The following MBOAT2 variants were observed in gnomAD, a reference collection of about 807,000 sequenced individuals.
MBOAT2 encodes the protein membrane-bound glycerophospholipid O-acyltransferase 2.
MBOAT2 carries 28 observed loss-of-function variants against 63.4 expected under a neutral mutation model. The observed-to-expected ratio is 0.44, with a 90% CI of 0.33 to 0.61. The LOEUF (loss-of-function observed/expected upper bound fraction) is 0.61. MBOAT2 is among the 20% of genes least tolerant of loss of function. The pLI, the probability that MBOAT2 is intolerant of heterozygous loss-of-function variation, is 0.03. For synonymous variants in MBOAT2, 211 were observed against 215.6 expected (o/e 0.98, Z 0.19); for missense variants, 470 against 605.8 (o/e 0.78, Z 2.35).
chr2:8,972,470 T>C (rs1005083840), intron 1 of MBOAT2, among the ~76,000 whole-genome samples: 10 of 152,314 alleles, frequency 6.6e-5, no homozygotes, highest in African/African-American at 1.7e-4. Flanking sequence ...AAGGACTTCA[T>C]GTCTAAAACA....
At position 8,962,292 on chromosome 2, in the gene MBOAT2, T is replaced by A. The variant is rs142724090; in HGVS notation, c.76-3650A>T. Among the ~76,000 whole-genome samples the A allele has an allele frequency of 5.7e-4, 87 of 152,314 alleles. No homozygotes were observed. In the East Asian group the frequency reaches 0.016, roughly 28 times the overall value. ...TGAATTCCTGACCACTGCATTATAC[T>A]GCCTACCACATTTAAAAACAAACCC... On this transcript the variant is annotated intron_variant, in intron 1 of 12. Coordinates refer to ENST00000305997, the MANE Select transcript of MBOAT2 (RefSeq NM_138799.4).
At chr2:8,962,007 C>T (rs1669637199) in intron 1 of MBOAT2, among the ~76,000 whole-genome samples, 1 of 152,206 alleles carries the variant, frequency 6.6e-6, no homozygotes, top group African/African-American at 2.4e-5. Flanking sequence ...CAGTCCGCAG[C>T]TCTCCCTTCT....
intron 3 of MBOAT2, among the ~76,000 whole-genome samples, chr2:8,914,055 A>T (rs1182071531): frequency 6.6e-6 from 1 of 152,254 alleles, no homozygotes; most frequent in African/African-American, 2.4e-5. Context: ...TATTATTCTA[A>T]GTGAAGTAAC....
chr2:8,951,017 G>T (rs1668789488), intron 2 of MBOAT2, among the ~76,000 whole-genome samples: 1 of 152,114 alleles, frequency 6.6e-6, no homozygotes, highest in Non-Finnish European at 1.5e-5. Context: ...TTTTTGATGT[G>T]CTGTTGAGTT....
chr2:8,998,421 T>C (rs956558908), intron 1 of MBOAT2, among the ~76,000 whole-genome samples: 11 of 152,210 alleles, frequency 7.2e-5, no homozygotes, highest in African/African-American at 2.7e-4. Flanking sequence ...GCCATTCACC[T>C]TCTCTTCCTA....
intron 1 of MBOAT2, among the ~76,000 whole-genome samples, chr2:8,986,814 A>G (rs551634524): frequency 1.5e-4 from 23 of 152,254 alleles, no homozygotes; most frequent in Non-Finnish European, 2.9e-4. Context: ...CTCTTTCGCC[A>G]AGAACGCATC....
At chr2:8,974,469 G>A in intron 1 of MBOAT2, 1 of 455,986 alleles carries the variant, frequency 2.2e-6, no homozygotes, top group Non-Finnish European at 4.4e-6. Context: ...AGAACAGAAA[G>A]ATTAAAGAAC....
chr2:8,905,596 A>G lies in MBOAT2; in HGVS notation c.395+3025T>C, dbSNP rs533976353. On this transcript the variant is annotated intron_variant, in intron 4 of 12. Coordinates refer to ENST00000305997, the MANE Select transcript of MBOAT2 (RefSeq NM_138799.4). The stretch of plus-strand genomic sequence containing the variant: ...CGCATGTTGTTATTCACAGGTAGGA[A>G]GTGAACAATGAGAACACTTGGACAT... 3.9e-5 allele frequency among the ~76,000 whole-genome samples: 6 copies of G among 152,258 alleles called. No individual in the cohort carries two copies. The East Asian group carries it at 9.7e-4, about 25-fold the overall frequency.
intron 1 of MBOAT2, among the ~76,000 whole-genome samples, chr2:8,979,055 T>C (rs757847070): frequency 2.0e-5 from 3 of 152,182 alleles, no homozygotes; most frequent in East Asian, 1.9e-4. Flanking sequence ...CTTCAAATTA[T>C]GCTTCTAAAG....
intron 1 of MBOAT2, among the ~76,000 whole-genome samples, chr2:8,993,477 G>A (rs576382229): frequency 6.6e-6 from 1 of 152,190 alleles, no homozygotes; most frequent in Non-Finnish European, 1.5e-5. Context: ...GGAGAAGCTT[G>A]TTGGCCAGTG....
At chr2:8,990,446 T>A (rs1284536498) in intron 1 of MBOAT2, among the ~76,000 whole-genome samples, 5 of 152,212 alleles carry the variant, frequency 3.3e-5, no homozygotes, top group East Asian at 3.8e-4. Context: ...GGTACTAACA[T>A]CCTTTTATCT....
At position 8,928,193 on chromosome 2, in the gene MBOAT2, G is replaced by A. The variant is rs529533477; in HGVS notation, c.299+14994C>T. On this transcript the variant is annotated intron_variant, in intron 3 of 12. Transcript: ENST00000305997. The stretch of plus-strand genomic sequence containing the variant: ...CCACCAGGCCCCACCTCCAACACTG[G>A]GGGTTACATTTCAACATGAGATTTG... Among the ~76,000 whole-genome samples, 7 of 152,262 alleles carry A rather than the reference G, an allele frequency of 4.6e-5. No homozygotes were observed. In the South Asian group the frequency reaches 1.5e-3, roughly 32 times the overall value.
At chr2:8,972,675 A>G (rs1670531472) in intron 1 of MBOAT2, among the ~76,000 whole-genome samples, 1 of 152,088 alleles carries the variant, frequency 6.6e-6, no homozygotes, top group African/African-American at 2.4e-5. Context: ...TTTACAAGAA[A>G]AAAACAAACA....
chr2:8,986,672 C>T (rs950148924), intron 1 of MBOAT2, among the ~76,000 whole-genome samples: 1 of 152,152 alleles, frequency 6.6e-6, no homozygotes, highest in African/African-American at 2.4e-5. Flanking sequence ...GAAGCCCTTA[C>T]CCCAATGTGA....
intron 4 of MBOAT2, among the ~76,000 whole-genome samples, chr2:8,895,938 A>G (rs1164358036): frequency 1.3e-5 from 2 of 152,178 alleles, no homozygotes; most frequent in South Asian, 2.1e-4. Flanking sequence ...AGAGGTTGGT[A>G]TAAGAGTTGT....
intron 9 of MBOAT2, among the ~76,000 whole-genome samples, chr2:8,864,931 T>C (rs1332151082): frequency 6.6e-6 from 1 of 152,206 alleles, no homozygotes; most frequent in Non-Finnish European, 1.5e-5. Context: ...TACTCTTATG[T>C]CAGAATCTTC....
At chr2:8,938,307 A>T (rs899381487) in intron 3 of MBOAT2, among the ~76,000 whole-genome samples, 2 of 152,114 alleles carry the variant, frequency 1.3e-5, no homozygotes, top group African/African-American at 4.8e-5. Flanking sequence ...TGGCTGGGAA[A>T]GCATGCCTTG....
chr2:8,944,203 C>T (rs1026712326), intron 2 of MBOAT2, among the ~76,000 whole-genome samples: 7 of 152,126 alleles, frequency 4.6e-5, no homozygotes, highest in African/African-American at 1.7e-4. Context: ...TTCTTGAAAT[C>T]CACCATTAAA....
chr2:8,999,127 CT>C (rs1388359509), intron 1 of MBOAT2, among the ~76,000 whole-genome samples: 1 of 152,212 alleles, frequency 6.6e-6, no homozygotes, highest in Non-Finnish European at 1.5e-5. Context: ...GATCCTGAGT[CT>C]CCATCTTGCC....
Sources: gnomAD v4.1 joint callset for allele counts (sites outside exome capture counted in the v4.1 genomes callset) on GRCh38, gnomAD v4.1.1 for gene constraint, MANE v1.5 for transcripts, NCBI Gene and HGNC (gene_info 2026-07-23, HGNC 2026-07-21) for gene names.